KCTD16: variants seen among roughly 807,000 people sequenced by gnomAD.
KCTD16 encodes the protein potassium channel tetramerization domain containing 16, also known as BTB/POZ domain-containing protein KCTD16.
In KCTD16, 13 loss-of-function variants were observed where a neutral mutation model predicts 33.2. The ratio of observed to expected loss-of-function variants is 0.39; its 90% confidence interval spans 0.25 to 0.62. The LOEUF is 0.62. Ranked by LOEUF, KCTD16 falls within the 20% of genes least tolerant of loss-of-function variation. KCTD16 has a pLI of 0.50. For missense variants in KCTD16, 441 were observed against 525.1 expected (o/e 0.84, Z 1.57); for synonymous variants, 197 against 195.3 (o/e 1.01, Z -0.07).
chr5:144,246,999 A>G (rs1314270932), intron 3 of KCTD16, among the ~76,000 whole-genome samples: 2 of 152,204 alleles, frequency 1.3e-5, no homozygotes, highest in African/African-American at 4.8e-5. Context: ...CTTTTACTGT[A>G]AATTCAAGAT....
chr5:144,258,321 GTAA>G (rs1194933017), intron 3 of KCTD16, among the ~76,000 whole-genome samples: 2 of 151,504 alleles, frequency 1.3e-5, no homozygotes, highest in Non-Finnish European at 2.9e-5. Context: ...GAATAGTATA[GTAA>G]TAATAATCAT....
chr5:144,484,782 T>C lies in KCTD16; in HGVS notation c.*10668T>C, dbSNP rs1388790785. The C allele has an allele frequency of 1.3e-5, 2 of 152,026 alleles. No individual in the cohort carries two copies. Among genetic ancestry groups the C allele is most frequent in the Non-Finnish European group, 2.9e-5 (2 of 67,948 alleles). 9.4% of individuals were successfully genotyped at this position (152,026 alleles called of 1,614,324 possible). A position where few individuals can be genotyped will look rare whatever the true frequency, so the allele number is the denominator to read the frequency against. ...CTTGGGTCAGTTTGTTGCACATTGA[T>C]GAATAACAAGTGACACCCAATGAAA... On this transcript the variant is annotated 3_prime_UTR_variant, in exon 4 of 4. Coordinates refer to ENST00000512467, the MANE Select transcript of KCTD16 (RefSeq NM_020768.4).
intron 3 of KCTD16, among the ~76,000 whole-genome samples, chr5:144,239,723 A>T (rs1754349666): frequency 1.3e-5 from 2 of 152,174 alleles, no homozygotes; most frequent in Non-Finnish European, 2.9e-5. Context: ...TTATAGTCTG[A>T]TGAAAAACCA....
intron 3 of KCTD16, among the ~76,000 whole-genome samples, chr5:144,321,642 C>T (rs1314760133): frequency 6.6e-6 from 1 of 152,076 alleles, no homozygotes; most frequent in Non-Finnish European, 1.5e-5. Flanking sequence ...GATTTGACGG[C>T]CTTATTCTAT....
chr5:144,429,430 G>C (rs1254562964), intron 3 of KCTD16, among the ~76,000 whole-genome samples: 1 of 152,076 alleles, frequency 6.6e-6, no homozygotes, highest in East Asian at 1.9e-4. Flanking sequence ...AGGTAGTTCA[G>C]GTAGTGAACT....
chr5:144,172,270 T>G (rs1752406025), intron 1 of KCTD16, among the ~76,000 whole-genome samples: 1 of 151,346 alleles, frequency 6.6e-6, no homozygotes. Flanking sequence ...CGAATTTATT[T>G]GTTTTATTTT....
intron 3 of KCTD16, among the ~76,000 whole-genome samples, chr5:144,259,751 G>A (rs1389906055): frequency 2.0e-5 from 3 of 152,200 alleles, no homozygotes; most frequent in East Asian, 1.9e-4. Context: ...AGTAAAGACC[G>A]TCAGGCTCTT....
At chr5:144,390,080 T>C (rs1160992359) in intron 3 of KCTD16, among the ~76,000 whole-genome samples, 1 of 152,218 alleles carries the variant, frequency 6.6e-6, no homozygotes, top group Non-Finnish European at 1.5e-5. Flanking sequence ...GTCTTTATCA[T>C]TCATCTCTAA....
chr5:144,371,302 C>G (rs1243191121), intron 3 of KCTD16, among the ~76,000 whole-genome samples: 1 of 151,900 alleles, frequency 6.6e-6, no homozygotes, highest in African/African-American at 2.4e-5. Flanking sequence ...GCACTTTTTT[C>G]AAGTATAATT....
intron 3 of KCTD16, among the ~76,000 whole-genome samples, chr5:144,420,171 A>T (rs996668903): frequency 6.6e-6 from 1 of 152,096 alleles, no homozygotes; most frequent in Admixed American, 6.6e-5. Context: ...ATTTTTGGCC[A>T]GATAATGTTT....
intron 3 of KCTD16, among the ~76,000 whole-genome samples, chr5:144,317,741 C>T (rs905656143): frequency 2.6e-5 from 4 of 152,186 alleles, no homozygotes; most frequent in Admixed American, 1.3e-4. Context: ...TGGCTTATCT[C>T]CTAAAGCAGA....
Position 144,239,382 on chromosome 5 carries a change from T to C in KCTD16, c.832+31836T>C, listed in dbSNP as rs142635708. ...CTATTGAAATCCCTGAAAGGCTTTATTTTAAATTGTCTTCTTTACAAGACA... is the reference window on the plus strand; with the variant it reads ...CTATTGAAATCCCTGAAAGGCTTTACTTTAAATTGTCTTCTTTACAAGACA... On this transcript the variant is annotated intron_variant, in intron 3 of 3. Coordinates refer to ENST00000512467, the MANE Select transcript of KCTD16 (RefSeq NM_020768.4). Among the ~76,000 whole-genome samples, 38 of 152,238 alleles carry C rather than the reference T, an allele frequency of 2.5e-4. No homozygotes were observed. The East Asian group carries it at 4.6e-3, about 19-fold the overall frequency.
intron 3 of KCTD16, among the ~76,000 whole-genome samples, chr5:144,373,569 G>A (rs1259373267): frequency 3.3e-5 from 5 of 152,162 alleles, no homozygotes; most frequent in Non-Finnish European, 7.3e-5. Flanking sequence ...CAAGCCACTT[G>A]TGATGCACAC....
intron 3 of KCTD16, among the ~76,000 whole-genome samples, chr5:144,314,691 G>A (rs1751859412): frequency 6.6e-6 from 1 of 152,084 alleles, no homozygotes; most frequent in Non-Finnish European, 1.5e-5. Flanking sequence ...CTTAAAAATA[G>A]GGACTTCATT....
At chr5:144,304,648 G>A (rs560712772) in intron 3 of KCTD16, among the ~76,000 whole-genome samples, 8 of 152,270 alleles carry the variant, frequency 5.3e-5, no homozygotes, top group African/African-American at 1.2e-4. Flanking sequence ...ACATGATTGG[G>A]GATGAGGCAG....
rs1389248472 is a variant in KCTD16, at chr5:144,476,132, A to G, written c.*2018A>G. The G allele has an allele frequency of 2.0e-5, 3 of 152,194 alleles. No homozygotes were observed. Among genetic ancestry groups the G allele is most frequent in the Non-Finnish European group, 2.9e-5 (2 of 68,038 alleles). 9.4% of individuals were successfully genotyped at this position (152,194 alleles called of 1,614,324 possible). A position where few individuals can be genotyped will look rare whatever the true frequency, so the allele number is the denominator to read the frequency against. Reference sequence around the variant, plus strand: ...CTTGATAGCACATGGCAATACCATCATCCTAATAACAGAAGATCTTGCAAA... The same window carrying G: ...CTTGATAGCACATGGCAATACCATCGTCCTAATAACAGAAGATCTTGCAAA... On this transcript the variant is annotated 3_prime_UTR_variant, in exon 4 of 4. Coordinates refer to ENST00000512467, the MANE Select transcript of KCTD16 (RefSeq NM_020768.4).
intron 3 of KCTD16, among the ~76,000 whole-genome samples, chr5:144,377,492 A>T (rs1298891828): frequency 6.6e-6 from 1 of 152,192 alleles, no homozygotes. Context: ...ACATTATACA[A>T]TTAAAGAAAA....
intron 3 of KCTD16, among the ~76,000 whole-genome samples, chr5:144,218,211 T>A (rs1039487292): frequency 2.1e-4 from 32 of 152,150 alleles, no homozygotes; most frequent in Admixed American, 1.4e-3. Flanking sequence ...TAGAAAGAGA[T>A]TAGAATAGTA....
chr5:144,359,702 A>C (rs1751660561), intron 3 of KCTD16, among the ~76,000 whole-genome samples: 1 of 151,158 alleles, frequency 6.6e-6, no homozygotes, highest in African/African-American at 2.4e-5. Context: ...GGATGCGGCT[A>C]ACCATGCTAC....
Sources: allele counts gnomAD v4.1 joint callset (sites outside exome capture counted in the v4.1 genomes callset), GRCh38; gene constraint gnomAD v4.1.1; transcripts MANE v1.5; gene names NCBI Gene and HGNC (gene_info 2026-07-23, HGNC 2026-07-21).